PHF2: variants seen among roughly 807,000 people sequenced by gnomAD.
PHF2 encodes lysine-specific demethylase PHF2.
Under a neutral mutation model 120.5 loss-of-function variants are expected in PHF2, and 27 were observed. The ratio of observed to expected loss-of-function variants is 0.22; its 90% CI spans 0.17 to 0.31. The LOEUF is 0.31. PHF2 is among the 10% of genes least tolerant of loss of function. PHF2 has a pLI of 1.00. For synonymous variants in PHF2, 568 were observed against 592.5 expected (o/e 0.96, Z 0.60); for missense variants, 1,024 against 1,434.8 (o/e 0.71, Z 4.63).
At chr9:93,648,618 A>G (rs1347541251) in intron 4 of PHF2, among the ~76,000 whole-genome samples, 2 of 152,246 alleles carry the variant, frequency 1.3e-5, no homozygotes, top group Non-Finnish European at 2.9e-5. Flanking sequence ...TGTCAACTAC[A>G]GAAAAGGCTT....
intron 1 of PHF2, among the ~76,000 whole-genome samples, chr9:93,589,641 G>A (rs10821166): frequency 0.39 from 58,680 of 152,144 alleles, 12,410 homozygotes; most frequent in Non-Finnish European, 0.48. Flanking sequence ...TAAGGCATCA[G>A]CTACATTTAT....
At chr9:93,643,190 A>G (rs1199496967) in intron 3 of PHF2, among the ~76,000 whole-genome samples, 1 of 151,932 alleles carries the variant, frequency 6.6e-6, no homozygotes, top group Non-Finnish European at 1.5e-5. Flanking sequence ...CTGTCCACCT[A>G]CAAGACGGTT....
intron 1 of PHF2, among the ~76,000 whole-genome samples, chr9:93,628,242 C>T (rs1028437462): frequency 6.6e-6 from 1 of 152,268 alleles, no homozygotes; most frequent in Admixed American, 6.5e-5. Context: ...TGGCTTTGGG[C>T]TCAGGGTAAT....
At chr9:93,662,576 A>G (rs1260255107) in intron 12 of PHF2, among the ~76,000 whole-genome samples, 5 of 148,640 alleles carry the variant, frequency 3.4e-5, no homozygotes, top group Non-Finnish European at 7.5e-5. Context: ...GGATGGATGA[A>G]CAAATGCATG....
intron 1 of PHF2, among the ~76,000 whole-genome samples, chr9:93,593,193 G>C (rs569898413): frequency 1.0e-3 from 156 of 151,762 alleles, no homozygotes; most frequent in African/African-American, 3.6e-3. Flanking sequence ...GGAGTTGTTG[G>C]GAGGGCCTCC....
intron 11 of PHF2, 78 bp from the exon 12 acceptor site, chr9:93,660,114 C>T: frequency 1.4e-6 from 2 of 1,445,126 alleles, no homozygotes; most frequent in Non-Finnish European, 1.8e-6. Context: ...TGAGTGTCTC[C>T]AGCATCCTGG....
At chr9:93,652,014 G>C (rs1296879119) in intron 5 of PHF2, among the ~76,000 whole-genome samples, 1 of 152,208 alleles carries the variant, frequency 6.6e-6, no homozygotes, top group East Asian at 1.9e-4. Flanking sequence ...GGAGGATGGA[G>C]AAGGGTGCTA....
At chr9:93,578,835 T>A (rs1862883286) in intron 1 of PHF2, among the ~76,000 whole-genome samples, 1 of 152,220 alleles carries the variant, frequency 6.6e-6, no homozygotes, top group South Asian at 2.1e-4. Flanking sequence ...AGCTCCTTTT[T>A]TTCTTATTTG....
At chr9:93,655,791 C>T (rs1826448171) in intron 7 of PHF2, 143 bp from the exon 8 acceptor site, 1 of 629,666 alleles carries the variant, frequency 1.6e-6, no homozygotes, top group Admixed American at 2.6e-5. Flanking sequence ...GACAGGGCAC[C>T]AAGGTGTAGG....
intron 20 of PHF2, 34 bp from the exon 21 acceptor site, chr9:93,676,560 G>T: frequency 6.4e-7 from 1 of 1,558,808 alleles, no homozygotes; most frequent in Non-Finnish European, 8.7e-7. Context: ...AGTGGGCTGT[G>T]CGTCTGAGGC....
intron 4 of PHF2, among the ~76,000 whole-genome samples, chr9:93,646,677 G>T (rs1826266911): frequency 6.6e-6 from 1 of 152,176 alleles, no homozygotes; most frequent in Non-Finnish European, 1.5e-5. Flanking sequence ...TGGGCACATA[G>T]GGGCACCCAC....
At chr9:93,632,221 C>T (rs1296261593) in intron 2 of PHF2, among the ~76,000 whole-genome samples, 4 of 152,210 alleles carry the variant, frequency 2.6e-5, no homozygotes, top group Non-Finnish European at 5.9e-5. Context: ...GCAGGCTCCC[C>T]TTCCTGTCTC....
Position 93,656,433 on chromosome 9 carries a change from C to A in PHF2, c.1041-56C>A. On this transcript the variant is annotated intron_variant, in intron 8 of 21. Coordinates refer to ENST00000359246, the MANE Select transcript of PHF2 (RefSeq NM_005392.4). This position sits in a 1 kb window ranked among gnomAD's most constrained non-coding sequence, Gnocchi z 4.1. ...TGTGTCTGGGGCCTGGATTGATGCCCAGCGTCGCCTGCTTGATGGTCAGTG... is the reference window on the plus strand; with the variant it reads ...TGTGTCTGGGGCCTGGATTGATGCCAAGCGTCGCCTGCTTGATGGTCAGTG... 8.1e-7 allele frequency: 1 copy of A among 1,229,038 alleles called. No individual in the cohort carries two copies. The highest frequency in any genetic ancestry group is 1.9e-4 in the Middle Eastern group (1 of 5,314). The allele number at this position is 1,229,038 out of a possible 1,614,324, so 76.1% of individuals were successfully genotyped here. A position where few individuals can be genotyped will look rare whatever the true frequency, so the allele number is the denominator to read the frequency against.
chr9:93,615,050 T>A (rs531837218), intron 1 of PHF2, among the ~76,000 whole-genome samples: 1 of 151,540 alleles, frequency 6.6e-6, no homozygotes, highest in South Asian at 2.1e-4. Flanking sequence ...GTGATGATGA[T>A]GGCGATGATG....
chr9:93,605,560 T>C (rs1262322536), intron 1 of PHF2, among the ~76,000 whole-genome samples: 1 of 152,238 alleles, frequency 6.6e-6, no homozygotes, highest in Non-Finnish European at 1.5e-5. Context: ...ACTGTCTCCA[T>C]ATCTTTGCCT....
chr9:93,631,853 G>A (rs1010392294), intron 2 of PHF2, among the ~76,000 whole-genome samples: 5 of 152,072 alleles, frequency 3.3e-5, no homozygotes, highest in Admixed American at 6.5e-5. Flanking sequence ...GGAGGTACAC[G>A]TGTGCATCAC....
intron 5 of PHF2, among the ~76,000 whole-genome samples, chr9:93,651,111 A>AG (rs959694245): frequency 6.6e-6 from 1 of 151,770 alleles, no homozygotes; most frequent in Non-Finnish European, 1.5e-5. Context: ...AAAAAAAAAA[A>AG]AAAAGGTAAT....
At chr9:93,671,377 G>A (rs958411130) in intron 17 of PHF2, among the ~76,000 whole-genome samples, 1 of 138,894 alleles carries the variant, frequency 7.2e-6, no homozygotes, top group Non-Finnish European at 1.6e-5. Context: ...TGTGGGTGTG[G>A]ATGTAGGTAC....
In PHF2 at chr9:93,576,826, G is replaced by T; in HGVS notation, c.53G>T (p.Arg18Leu). 1 of 1,288,288 alleles carries T rather than the reference G, an allele frequency of 7.8e-7. No individual in the cohort carries two copies. The highest frequency in any genetic ancestry group is 1.0e-6 in the Non-Finnish European group (1 of 982,620). The allele number at this position is 1,288,288 out of a possible 1,614,324, so 79.8% of individuals were successfully genotyped here. ...TGCCGGCTCCCCTACGACGTTACCC[G>T]CTTCATGATCGAGTGCGACGCCTGC... ...CVCRLPYDVT[R>L]FMIECDACKD... is the part of the protein sequence containing the mutation. Residue 18 changes from arginine to leucine, a missense_variant, in exon 1 of 22, where the codon CGC becomes CTC. Coordinates refer to ENST00000359246, the MANE Select transcript of PHF2 (RefSeq NM_005392.4).
Sources: allele counts gnomAD v4.1 joint callset (sites outside exome capture counted in the v4.1 genomes callset), GRCh38; gene constraint gnomAD v4.1.1; non-coding constraint Gnocchi (gnomAD v3.1); transcripts MANE v1.5; gene names NCBI Gene and HGNC (gene_info 2026-07-23, HGNC 2026-07-21).